Variants in AOPEP observed in about 807,000 individuals in gnomAD.
The protein encoded by AOPEP is aminopeptidase O.
In AOPEP, 77 loss-of-function variants were observed where a neutral mutation model predicts 98.1. The observed-to-expected ratio is 0.78, with a 90% CI of 0.65 to 0.95. The LOEUF (loss-of-function observed/expected upper bound fraction) is 0.95. AOPEP is among the 40% of genes least tolerant of loss of function. The pLI is 0.00. For missense variants in AOPEP, 1,024 were observed against 1,024.7 expected (o/e 1.00, Z 0.01); for synonymous variants, 346 against 365.3 (o/e 0.95, Z 0.60).
At chr9:94,868,950 C>T (rs988054573) in intron 5 of AOPEP, among the ~76,000 whole-genome samples, 1 of 152,066 alleles carries the variant, frequency 6.6e-6, no homozygotes, top group African/African-American at 2.4e-5. Flanking sequence ...TGTTTTTGGC[C>T]AGGCATGGGG....
intron 5 of AOPEP, among the ~76,000 whole-genome samples, chr9:94,844,929 A>AT (rs770844994): frequency 6.6e-6 from 1 of 152,146 alleles, no homozygotes; most frequent in Admixed American, 6.5e-5. Context: ...AAAAGTGACC[A>AT]TTTCAGAAAA....
chr9:94,757,257 C>G (rs1009448588), intron 1 of AOPEP, among the ~76,000 whole-genome samples: 4 of 152,200 alleles, frequency 2.6e-5, no homozygotes, highest in Admixed American at 1.3e-4. Context: ...GCCAGATCAT[C>G]AACTGAGAAT....
At chr9:95,076,979 A>G (rs1220723251) in intron 14 of AOPEP, among the ~76,000 whole-genome samples, 1 of 150,366 alleles carries the variant, frequency 6.7e-6, no homozygotes, top group African/African-American at 2.5e-5. Flanking sequence ...TAAAGTTCAG[A>G]TCTCCAGTGC....
chr9:94,783,246 G>C (rs1345485082), intron 3 of AOPEP, among the ~76,000 whole-genome samples: 2 of 152,188 alleles, frequency 1.3e-5, no homozygotes, highest in African/African-American at 4.8e-5. Context: ...CTTTTACCTA[G>C]TTCACAAGAA....
At chr9:94,776,904 G>C (rs1338597319) in intron 3 of AOPEP, among the ~76,000 whole-genome samples, 2 of 151,252 alleles carry the variant, frequency 1.3e-5, no homozygotes, top group Non-Finnish European at 2.9e-5. Context: ...AGTTGGCTGG[G>C]AAATAGCTTC....
intron 5 of AOPEP, among the ~76,000 whole-genome samples, chr9:94,910,786 G>T (rs1006102312): frequency 3.3e-5 from 5 of 152,122 alleles, no homozygotes; most frequent in Admixed American, 6.5e-5. Context: ...AAGGATCTTG[G>T]GGGAGGGGCC....
chr9:95,132,338 C>T, the AOPEP span, among the ~76,000 whole-genome samples: 1 of 152,328 alleles, frequency 6.6e-6, no homozygotes, highest in African/African-American at 2.4e-5. Flanking sequence ...AACATAACAT[C>T]CTTCTAATTT....
At chr9:95,027,718 A>G (rs533351382) in intron 13 of AOPEP, among the ~76,000 whole-genome samples, 12 of 152,356 alleles carry the variant, frequency 7.9e-5, no homozygotes, top group African/African-American at 2.6e-4. Flanking sequence ...AATCTAGGCT[A>G]TCTCCAAAAG....
chr9:94,841,169 A>ATTT (rs67614379), intron 5 of AOPEP, among the ~76,000 whole-genome samples: 7 of 133,840 alleles, frequency 5.2e-5, no homozygotes, highest in Non-Finnish European at 4.8e-5. Flanking sequence ...GCTCCACACA[A>ATTT]TTTTTTTTTT....
intron 11 of AOPEP, among the ~76,000 whole-genome samples, chr9:94,998,311 A>G (rs569228266): frequency 3.3e-5 from 5 of 151,856 alleles, no homozygotes; most frequent in African/African-American, 4.8e-5. Flanking sequence ...CCTGAGACTC[A>G]GTTTTTCCAT....
chr9:95,104,266 G>A, the AOPEP span, among the ~76,000 whole-genome samples: 68 of 152,244 alleles, frequency 4.5e-4, no homozygotes, highest in African/African-American at 1.5e-3. Flanking sequence ...CAAAACATCC[G>A]AAAGGACAGC....
In AOPEP at chr9:95,063,243, A is replaced by G. The variant is rs144814507; in HGVS notation, c.2232+2433A>G. Among the ~76,000 whole-genome samples the G allele has an allele frequency of 4.0e-3, 617 of 152,348 alleles. 6 individuals carry two copies. Among genetic ancestry groups the G allele is most frequent in the Non-Finnish European group, 4.9e-3 (334 of 68,034 alleles). ...TTTGACAGCTAACTCTGGGAACAAAACATGTTATCTAAGATCCCTTTTTAA... is the reference window on the plus strand; with the variant it reads ...TTTGACAGCTAACTCTGGGAACAAAGCATGTTATCTAAGATCCCTTTTTAA... On this transcript the variant is annotated intron_variant, in intron 14 of 16. Coordinates refer to ENST00000375315, the MANE Select transcript of AOPEP (RefSeq NM_001193329.3).
intron 13 of AOPEP, among the ~76,000 whole-genome samples, chr9:95,036,659 T>G (rs1214225287): frequency 1.3e-5 from 2 of 151,326 alleles, no homozygotes. Context: ...CCTCCTCTTC[T>G]TCCTCCTCCT....
At chr9:94,729,189 T>C (rs1198639922) in intron 1 of AOPEP, among the ~76,000 whole-genome samples, 1 of 152,200 alleles carries the variant, frequency 6.6e-6, no homozygotes, top group Non-Finnish European at 1.5e-5. Flanking sequence ...TTTGGTTTTA[T>C]AAAAGTTCTG....
intron 4 of AOPEP, 140 bp from the exon 5 acceptor site, chr9:94,800,617 A>G: frequency 2.3e-6 from 2 of 862,448 alleles, no homozygotes; most frequent in South Asian, 1.5e-5. Context: ...CAGTCAAGCC[A>G]AGAATTGAAA....
At chr9:95,130,301 A>T in the AOPEP span, among the ~76,000 whole-genome samples, 29,542 of 141,120 alleles carry the variant, frequency 0.21, 2,890 homozygotes, top group East Asian at 0.33. Context: ...TGTGTGTGTG[A>T]GAGAGAGAGA....
intron 11 of AOPEP, among the ~76,000 whole-genome samples, chr9:94,982,949 A>G (rs1022358607): frequency 6.6e-6 from 1 of 152,210 alleles, no homozygotes; most frequent in African/African-American, 2.4e-5. Context: ...CTAGAAATAA[A>G]TTTCTGCATC....
intron 9 of AOPEP, among the ~76,000 whole-genome samples, chr9:94,966,693 A>G (rs2059221793): frequency 6.6e-6 from 1 of 152,224 alleles, no homozygotes; most frequent in Non-Finnish European, 1.5e-5. Context: ...CTTAGCAAAT[A>G]AAAATACAGA....
At chr9:94,790,896 T>C (rs1845565353) in intron 3 of AOPEP, among the ~76,000 whole-genome samples, 2 of 151,898 alleles carry the variant, frequency 1.3e-5, no homozygotes, top group African/African-American at 2.4e-5. Flanking sequence ...GGTCAGTGAT[T>C]GGATGTCAAA....
Sources: allele counts gnomAD v4.1 joint callset (sites outside exome capture counted in the v4.1 genomes callset), GRCh38; gene constraint gnomAD v4.1.1; transcripts MANE v1.5; gene names NCBI Gene and HGNC (gene_info 2026-07-23, HGNC 2026-07-21).